Variants in FBXO4 observed in about 807,000 individuals in gnomAD.
The protein encoded by FBXO4 is F-box protein 4.
Under a neutral mutation model 43.7 loss-of-function variants are expected in FBXO4, and 36 were observed. The ratio of observed to expected loss-of-function variants is 0.82; its 90% CI spans 0.63 to 1.09. FBXO4 has a LOEUF of 1.09. Among genes scored for constraint, FBXO4 ranks in the 50% least tolerant of loss-of-function variants. The pLI, the probability that FBXO4 is intolerant of heterozygous loss-of-function variation, is 0.00. For synonymous variants in FBXO4, 180 were observed against 165.6 expected (o/e 1.09, Z -0.67); for missense variants, 435 against 474.1 (o/e 0.92, Z 0.77).
the FBXO4 span, among the ~76,000 whole-genome samples, chr5:41,982,694 A>G: frequency 1.3e-5 from 2 of 152,080 alleles, no homozygotes; most frequent in African/African-American, 4.8e-5. Flanking sequence ...ATATAGTCGA[A>G]TTTATTGATT....
chr5:41,994,189 C>G, the FBXO4 span, among the ~76,000 whole-genome samples: 1 of 152,226 alleles, frequency 6.6e-6, no homozygotes, highest in East Asian at 1.9e-4. Context: ...CACCAATCCC[C>G]AAACAAAATG....
the FBXO4 span, among the ~76,000 whole-genome samples, chr5:41,996,063 C>T: frequency 1.3e-5 from 2 of 152,158 alleles, no homozygotes; most frequent in Non-Finnish European, 1.5e-5. Flanking sequence ...CAGCTGATCA[C>T]AGGGAACTCC....
chr5:41,968,032 A>G, the FBXO4 span: 23 of 401,134 alleles, frequency 5.7e-5, no homozygotes, highest in Non-Finnish European at 1.1e-4. Context: ...CTCCTGCCGC[A>G]CTTCCTGCTT....
chr5:41,934,473 A>T (rs1456826613), intron 5 of FBXO4, 165 bp downstream of exon 5: 2 of 1,447,272 alleles, frequency 1.4e-6, no homozygotes, highest in Non-Finnish European at 1.8e-6. Context: ...TTTTGTGTGT[A>T]TTAGGATCAC....
chr5:42,031,852 G>C, the FBXO4 span, among the ~76,000 whole-genome samples: 1 of 151,944 alleles, frequency 6.6e-6, no homozygotes, highest in Non-Finnish European at 1.5e-5. Context: ...TATTCGGTAA[G>C]ACTTGAGTGC....
the FBXO4 span, among the ~76,000 whole-genome samples, chr5:41,959,407 A>G: frequency 2.4e-4 from 37 of 151,690 alleles, no homozygotes; most frequent in Non-Finnish European, 4.4e-4. Context: ...GTAGAATTCT[A>G]TTTATCTTCT....
At chr5:41,940,736 A>G (rs1286792357) in intron 6 of FBXO4, among the ~76,000 whole-genome samples, 1 of 152,198 alleles carries the variant, frequency 6.6e-6, no homozygotes, top group African/African-American at 2.4e-5. Context: ...CTTTGGAATG[A>G]AGTTTGAAAA....
At chr5:41,953,710 C>G in the FBXO4 span, among the ~76,000 whole-genome samples, 648 of 151,896 alleles carry the variant, frequency 4.3e-3, 5 homozygotes, top group African/African-American at 0.015. Flanking sequence ...GAGCTGGTAT[C>G]TCATTGTGGT....
chr5:42,015,591 G>A, the FBXO4 span, among the ~76,000 whole-genome samples: 1 of 152,158 alleles, frequency 6.6e-6, no homozygotes, highest in African/African-American at 2.4e-5. Context: ...GTGCTAATGT[G>A]ACACCCTCCA....
the FBXO4 span, among the ~76,000 whole-genome samples, chr5:41,955,002 A>G: frequency 1.3e-5 from 2 of 152,188 alleles, no homozygotes; most frequent in African/African-American, 4.8e-5. Context: ...TAGTTGCTCT[A>G]TGACACTCCC....
At chr5:41,930,547 A>G (rs542437284) in intron 3 of FBXO4, among the ~76,000 whole-genome samples, 73 of 152,336 alleles carry the variant, frequency 4.8e-4, no homozygotes, top group Admixed American at 9.1e-4. Context: ...ACGGTCAAAG[A>G]AGGCTCCATA....
At chr5:42,034,851 C>G in the FBXO4 span, among the ~76,000 whole-genome samples, 4 of 152,028 alleles carry the variant, frequency 2.6e-5, no homozygotes, top group African/African-American at 7.2e-5. Flanking sequence ...TATACAGGCT[C>G]TTTTTTTTCC....
At chr5:42,010,845 C>A in the FBXO4 span, among the ~76,000 whole-genome samples, 1 of 152,166 alleles carries the variant, frequency 6.6e-6, no homozygotes, top group East Asian at 1.9e-4. Context: ...CATTTCCTGG[C>A]TCAAGATTTG....
chr5:41,977,481 A>G, the FBXO4 span, among the ~76,000 whole-genome samples: 2 of 152,232 alleles, frequency 1.3e-5, no homozygotes, highest in South Asian at 4.1e-4. Flanking sequence ...TTCTTCTGCC[A>G]GTTACTCTGT....
chr5:41,979,720 G>T, the FBXO4 span, among the ~76,000 whole-genome samples: 1 of 152,088 alleles, frequency 6.6e-6, no homozygotes, highest in Non-Finnish European at 1.5e-5. Flanking sequence ...CTTGGTTTTT[G>T]GTTACTATTT....
intron 3 of FBXO4, chr5:41,930,174 G>T: frequency 4.9e-6 from 2 of 411,694 alleles, no homozygotes; most frequent in Non-Finnish European, 8.6e-6. Context: ...TCAAGATGTT[G>T]CATTTGTACA....
chr5:41,967,401 T>G, the FBXO4 span: 2 of 531,022 alleles, frequency 3.8e-6, no homozygotes, highest in Non-Finnish European at 3.7e-6. Context: ...CCCTTGGTCA[T>G]ATTTGCTGTG....
chr5:41,999,494 CATATATATATGTGT>C, the FBXO4 span, among the ~76,000 whole-genome samples: 1 of 86,872 alleles, frequency 1.2e-5, no homozygotes, highest in African/African-American at 5.3e-5. Flanking sequence ...TATATATATA[CATATATATATGTGT>C]ATATATATAT....
the FBXO4 span, among the ~76,000 whole-genome samples, chr5:42,028,565 G>A: frequency 6.6e-6 from 1 of 151,502 alleles, no homozygotes; most frequent in East Asian, 1.9e-4. Flanking sequence ...CTGCCATTTT[G>A]CTATGTGTTT....
Sources: gnomAD v4.1 joint callset for allele counts (sites outside exome capture counted in the v4.1 genomes callset) on GRCh38, gnomAD v4.1.1 for gene constraint, MANE v1.5 for transcripts, NCBI Gene and HGNC (gene_info 2026-07-23, HGNC 2026-07-21) for gene names.